The following CDH12 variants were observed in gnomAD, a reference collection of about 807,000 sequenced individuals.
CDH12 encodes cadherin-12.
Under a neutral mutation model 74.1 loss-of-function variants are expected in CDH12, and 41 were observed. That is an observed-to-expected ratio of 0.55 (90% confidence interval 0.43 to 0.72). CDH12 has a LOEUF of 0.72. Ranked by LOEUF, CDH12 falls within the 30% of genes least tolerant of loss-of-function variation. The pLI, the probability that CDH12 is intolerant of heterozygous loss-of-function variation, is 0.00. For synonymous variants in CDH12, 399 were observed against 355.0 expected, an observed-to-expected ratio of 1.12 and a Z score of -1.39; for missense variants, 945 against 977.2, an observed-to-expected ratio of 0.97 and a Z score of 0.44.
intron 5 of CDH12, among the ~76,000 whole-genome samples, chr5:22,032,982 G>C (rs930230804): frequency 1.8e-4 from 26 of 144,548 alleles, no homozygotes; most frequent in African/African-American, 5.4e-4. Flanking sequence ...TCCCCCAAAA[G>C]CTTTTCTAAA....
At chr5:22,829,896 C>CAGCA (rs1736509501) in intron 1 of CDH12, among the ~76,000 whole-genome samples, 5 of 152,170 alleles carry the variant, frequency 3.3e-5, no homozygotes, top group African/African-American at 1.2e-4. Context: ...AATATTATGA[C>CAGCA]AGTAGGTGAC....
intron 5 of CDH12, among the ~76,000 whole-genome samples, chr5:22,045,754 A>T (rs1288983790): frequency 6.6e-6 from 1 of 152,124 alleles, no homozygotes; most frequent in African/African-American, 2.4e-5. Context: ...TATCTCATGG[A>T]GGCGAAAGCA....
At chr5:21,764,688 T>C (rs912221160) in intron 12 of CDH12, among the ~76,000 whole-genome samples, 2 of 140,890 alleles carry the variant, frequency 1.4e-5, no homozygotes, top group Non-Finnish European at 3.1e-5. Flanking sequence ...AGGAAAGAAA[T>C]TCAACAGTAG....
chr5:21,817,587 T>C (rs778334567), intron 8 of CDH12, among the ~76,000 whole-genome samples: 1 of 151,962 alleles, frequency 6.6e-6, no homozygotes, highest in African/African-American at 2.4e-5. Context: ...AAAGTTGAGG[T>C]TATATTTCCT....
chr5:22,117,063 T>C (rs1353904677), intron 4 of CDH12, among the ~76,000 whole-genome samples: 1 of 151,820 alleles, frequency 6.6e-6, no homozygotes, highest in South Asian at 2.1e-4. Flanking sequence ...AGTCCAATTC[T>C]AGGCCAGCCT....
chr5:21,891,185 C>A (rs1041500241), intron 6 of CDH12, among the ~76,000 whole-genome samples: 1 of 151,994 alleles, frequency 6.6e-6, no homozygotes, highest in Non-Finnish European at 1.5e-5. Context: ...TATCTAAGAT[C>A]AGCCTAACAA....
intron 3 of CDH12, among the ~76,000 whole-genome samples, chr5:22,280,469 C>T (rs1006397318): frequency 1.3e-5 from 2 of 151,944 alleles, no homozygotes; most frequent in African/African-American, 4.8e-5. Context: ...AATTGATAGA[C>T]CTCTAGCAAG....
chr5:22,554,174 T>G (rs912002433), intron 1 of CDH12, among the ~76,000 whole-genome samples: 2 of 152,124 alleles, frequency 1.3e-5, no homozygotes, highest in Non-Finnish European at 2.9e-5. Flanking sequence ...AATGAATACA[T>G]GCAACACAGA....
At chr5:22,715,788 G>C (rs1403938003) in intron 1 of CDH12, among the ~76,000 whole-genome samples, 1 of 144,586 alleles carries the variant, frequency 6.9e-6, no homozygotes, top group African/African-American at 2.6e-5. Context: ...GCTACAGAGT[G>C]AGATCCCATC....
At chr5:22,832,208 C>T (rs1438944091) in intron 1 of CDH12, among the ~76,000 whole-genome samples, 1 of 152,140 alleles carries the variant, frequency 6.6e-6, no homozygotes, top group Admixed American at 6.6e-5. Context: ...AGACTTGGCA[C>T]CTTCATATAC....
intron 1 of CDH12, among the ~76,000 whole-genome samples, chr5:22,565,759 G>A (rs1024862187): frequency 1.3e-5 from 2 of 151,952 alleles, no homozygotes; most frequent in African/African-American, 4.8e-5. Context: ...AAAAAGGAGG[G>A]TATTTCACAG....
chr5:22,853,279 C>G lies in CDH12; in HGVS notation c.-744G>C, dbSNP rs752818007. 1.3e-5 allele frequency: 2 copies of G among 152,194 alleles called. No individual in the cohort carries two copies. Among genetic ancestry groups the G allele is most frequent in the Non-Finnish European group, 2.9e-5 (2 of 68,084 alleles). The allele number at this position is 152,194 out of a possible 1,614,324, so 9.4% of individuals were successfully genotyped here. ...ACTTTCTTCCTGGAAGAGGCTGCCT[C>G]TCTTCTCAGAAAAGCCTGGACCCCT... is the stretch of plus-strand genomic sequence containing the variant. On this transcript the variant is annotated 5_prime_UTR_variant, in exon 1 of 15. Coordinates refer to ENST00000382254, the MANE Select transcript of CDH12 (RefSeq NM_004061.5).
chr5:22,807,843 A>T (rs1748895096), intron 1 of CDH12, among the ~76,000 whole-genome samples: 1 of 152,222 alleles, frequency 6.6e-6, no homozygotes, highest in African/African-American at 2.4e-5. Flanking sequence ...GGGTGTCAGG[A>T]ATGAATGATA....
At chr5:22,360,243 G>A (rs1236405704) in intron 3 of CDH12, among the ~76,000 whole-genome samples, 1 of 152,052 alleles carries the variant, frequency 6.6e-6, no homozygotes, top group Admixed American at 6.6e-5. Flanking sequence ...AAATGATAAA[G>A]GGGATATCAC....
chr5:22,114,966 A>G (rs1745005992), intron 4 of CDH12, among the ~76,000 whole-genome samples: 1 of 152,238 alleles, frequency 6.6e-6, no homozygotes, highest in African/African-American at 2.4e-5. Flanking sequence ...TCATTGCAGC[A>G]ACTGCAAATC....
chr5:22,039,879 C>T (rs1031530357), intron 5 of CDH12, among the ~76,000 whole-genome samples: 1 of 151,740 alleles, frequency 6.6e-6, no homozygotes, highest in African/African-American at 2.4e-5. Context: ...ATTATTCAAA[C>T]AGATGTGCAG....
At chr5:21,930,108 G>T (rs1754766140) in intron 6 of CDH12, among the ~76,000 whole-genome samples, 2 of 152,200 alleles carry the variant, frequency 1.3e-5, no homozygotes, top group Non-Finnish European at 2.9e-5. Context: ...ATTTGGTAGA[G>T]ACAGTGTCTC....
intron 2 of CDH12, among the ~76,000 whole-genome samples, chr5:22,499,986 G>A (rs1178145385): frequency 1.3e-5 from 2 of 152,076 alleles, no homozygotes; most frequent in Non-Finnish European, 2.9e-5. Flanking sequence ...GAATCTGTTT[G>A]TATCTCCTTA....
chr5:22,035,193 T>C (rs1739086635), intron 5 of CDH12, among the ~76,000 whole-genome samples: 1 of 152,154 alleles, frequency 6.6e-6, no homozygotes, highest in Non-Finnish European at 1.5e-5. Flanking sequence ...ACCATGAGTG[T>C]CTGGGTCTTC....
Sources: allele counts gnomAD v4.1 joint callset (sites outside exome capture counted in the v4.1 genomes callset), GRCh38; gene constraint gnomAD v4.1.1; transcripts MANE v1.5; gene names NCBI Gene and HGNC (gene_info 2026-07-23, HGNC 2026-07-21).